OSMR: variants seen among roughly 807,000 people sequenced by gnomAD.
OSMR encodes oncostatin-M-specific receptor subunit beta.
Under a neutral mutation model 99.9 loss-of-function variants are expected in OSMR, and 81 were observed. The ratio of observed to expected loss-of-function variants is 0.81; its 90% CI spans 0.68 to 0.97. OSMR has a LOEUF of 0.97. Among genes scored for constraint, OSMR ranks in the 50% least tolerant of loss-of-function variants. The pLI, the probability that OSMR is intolerant of heterozygous loss-of-function variation, is 0.00. For synonymous variants in OSMR, 406 were observed against 410.4 expected, an observed-to-expected ratio of 0.99 and a Z score of 0.13; for missense variants, 1,099 against 1,153.4, an observed-to-expected ratio of 0.95 and a Z score of 0.68.
intron 8 of OSMR, 33 bp downstream of exon 8, chr5:38,904,057 A>T (rs769258268): frequency 3.7e-6 from 6 of 1,611,328 alleles, no homozygotes; most frequent in Non-Finnish European, 5.1e-6. Flanking sequence ...TATTTTCAAA[A>T]ATTCTTTTTT....
chr5:38,915,735 T>G (rs1286617584), intron 9 of OSMR, among the ~76,000 whole-genome samples: 1 of 152,226 alleles, frequency 6.6e-6, no homozygotes, highest in African/African-American at 2.4e-5. Context: ...AAAGTAAACA[T>G]TAAAAATAGA....
chr5:38,848,401 C>T (rs2043111), intron 1 of OSMR, among the ~76,000 whole-genome samples: 37,634 of 152,140 alleles, frequency 0.25, 4,882 homozygotes, highest in South Asian at 0.4. Context: ...GCTTCATAGC[C>T]TTCCTTCCCT....
At chr5:38,862,531 T>C (rs2112160158) in intron 1 of OSMR, among the ~76,000 whole-genome samples, 2 of 141,200 alleles carry the variant, frequency 1.4e-5, no homozygotes, top group East Asian at 4.6e-4. Flanking sequence ...GACGGGGCAG[T>C]TGCCGGGCAG....
At chr5:38,904,184 T>C (rs1745070382) in intron 8 of OSMR, 160 bp downstream of exon 8, 1 of 985,196 alleles carries the variant, frequency 1.0e-6, no homozygotes. Context: ...TACACTTTTA[T>C]GGTTAGGAAA....
chr5:38,944,651 T>G, intron 2 of OSMR: 1 of 1,243,406 alleles, frequency 8.0e-7, no homozygotes. Context: ...TTTTTAAACT[T>G]CACCTAAAGA....
At chr5:38,913,890 A>G (rs1316803400) in intron 9 of OSMR, among the ~76,000 whole-genome samples, 1 of 152,190 alleles carries the variant, frequency 6.6e-6, no homozygotes, top group Non-Finnish European at 1.5e-5. Flanking sequence ...AAGCTACTGT[A>G]CGCATTTGTT....
At chr5:38,941,049 G>C in intron 1 of OSMR, 1 of 232,782 alleles carries the variant, frequency 4.3e-6, no homozygotes, top group Non-Finnish European at 8.5e-6. Context: ...TGATGGCCAT[G>C]CTATTTTTAT....
rs907399409 is a variant in OSMR, at chr5:38,876,230, G to A, written c.103G>A (p.Val35Ile). The A allele has an allele frequency of 3.7e-6, 6 of 1,613,552 alleles. No individual in the cohort carries two copies. Among genetic ancestry groups the A allele is most frequent in the Non-Finnish European group, 5.1e-6 (6 of 1,179,688 alleles). The change falls in exon 3 of 18, where the codon GTA becomes ATA. Residue 35 changes from valine (V) to isoleucine (I), a missense_variant. Physicochemically the swap from Val to Ile is conservative, Grantham distance 29. Coordinates refer to ENST00000274276, the MANE Select transcript of OSMR (RefSeq NM_003999.3). ...GGCTGAACGTTTACCATTGACTCCT[G>A]TATCACTTAAAGTTTCCACCAATTC... The part of the protein sequence containing the change: ...VLAERLPLTP[V>I]SLKVSTNSTR...
chr5:38,904,778 C>T (rs1399148962), intron 9 of OSMR, among the ~76,000 whole-genome samples: 1 of 152,188 alleles, frequency 6.6e-6, no homozygotes, highest in African/African-American at 2.4e-5. Flanking sequence ...GCTGGATTCA[C>T]AGTAGATCTG....
rs571611418 is a variant in OSMR at position 38,855,726 on chromosome 5, C to CCTGTTGTCCCTCACTTCA, written c.-14+9369_-14+9386dup. 1.5e-3 allele frequency among the ~76,000 whole-genome samples: 228 copies of CCTGTTGTCCCTCACTTCA among 150,590 alleles called. 1 individual carries two copies. Among genetic ancestry groups the CCTGTTGTCCCTCACTTCA allele is most frequent in the African/African-American group, 5.2e-3 (214 of 40,766 alleles). On this transcript the variant is annotated intron_variant, in intron 1 of 17. Transcript: ENST00000274276. ...CCACTGCCACCGCCACACCCCCCCA[C>CCTGTTGTCCCTCACTTCA]CTGTTGTCCCTCACTTCACTGTTGT... is the stretch of plus-strand genomic sequence containing the variant.
intron 7 of OSMR, among the ~76,000 whole-genome samples, chr5:38,893,893 G>A (rs941112857): frequency 6.6e-6 from 1 of 152,092 alleles, no homozygotes; most frequent in African/African-American, 2.4e-5. Flanking sequence ...TTTAAGGCCA[G>A]CACTAAAGAA....
At chr5:38,895,594 G>A (rs892960528) in intron 7 of OSMR, among the ~76,000 whole-genome samples, 6 of 152,038 alleles carry the variant, frequency 3.9e-5, no homozygotes, top group Admixed American at 1.3e-4. Flanking sequence ...TCTGTGGTTT[G>A]TCTCTTCACT....
intron 2 of OSMR, among the ~76,000 whole-genome samples, chr5:38,872,380 C>A (rs943843796): frequency 6.6e-5 from 10 of 152,150 alleles, no homozygotes; most frequent in Admixed American, 4.6e-4. Context: ...TCGCTGAATA[C>A]CATAACTGGT....
chr5:38,932,805 A>C, intron 17 of OSMR, 67 bp from the exon 18 acceptor site: 2 of 1,605,612 alleles, frequency 1.2e-6, no homozygotes, highest in South Asian at 2.2e-5. Flanking sequence ...CACATGCTTA[A>C]TATACTTTGA....
At chr5:38,929,706 G>A (rs1339562846) in intron 15 of OSMR, among the ~76,000 whole-genome samples, 1 of 151,934 alleles carries the variant, frequency 6.6e-6, no homozygotes, top group Non-Finnish European at 1.5e-5. Flanking sequence ...TTCATTCCTA[G>A]GTATATATGC....
intron 9 of OSMR, among the ~76,000 whole-genome samples, chr5:38,907,026 A>G (rs1745283685): frequency 6.6e-6 from 1 of 152,252 alleles, no homozygotes; most frequent in Non-Finnish European, 1.5e-5. Context: ...CATATTTAAA[A>G]AATAGAAGTT....
At chr5:38,918,556 A>G (rs1420424772) in intron 10 of OSMR, 1 of 172,062 alleles carries the variant, frequency 5.8e-6, no homozygotes, top group African/African-American at 2.4e-5. Context: ...CCACCAGGTT[A>G]AAGAGTCTAT....
chr5:38,848,643 C>T (rs1219208841), intron 1 of OSMR, among the ~76,000 whole-genome samples: 10 of 152,218 alleles, frequency 6.6e-5, no homozygotes, highest in African/African-American at 9.6e-5. Flanking sequence ...TTACATAATA[C>T]ATACATATAC....
chr5:38,944,887 G>T, intron 2 of OSMR: 1 of 1,604,168 alleles, frequency 6.2e-7, no homozygotes, highest in Non-Finnish European at 8.5e-7. Flanking sequence ...TACTAATAAT[G>T]ATTGGATTTG....
Sources: gnomAD v4.1 joint callset for allele counts (sites outside exome capture counted in the v4.1 genomes callset) on GRCh38, gnomAD v4.1.1 for gene constraint, MANE v1.5 for transcripts, NCBI Gene and HGNC (gene_info 2026-07-23, HGNC 2026-07-21) for gene names.